The following GRID2 variants were observed in gnomAD, a reference collection of about 807,000 sequenced individuals.
The protein encoded by GRID2 is glutamate ionotropic receptor delta type subunit 2.
Under a neutral mutation model 114.8 loss-of-function variants are expected in GRID2, and 33 were observed. That is an observed-to-expected ratio of 0.29 (90% CI 0.22 to 0.38). The LOEUF is 0.38. Among genes scored for constraint, GRID2 ranks in the 10% least tolerant of loss-of-function variants. The pLI is 1.00. For missense variants in GRID2, 1,184 were observed against 1,257.7 expected, an observed-to-expected ratio of 0.94 and a Z score of 0.89; for synonymous variants, 505 against 449.9, an observed-to-expected ratio of 1.12 and a Z score of -1.55.
intron 2 of GRID2, among the ~76,000 whole-genome samples, chr4:92,778,803 G>A (rs1191348318): frequency 6.6e-6 from 1 of 151,974 alleles, no homozygotes; most frequent in East Asian, 1.9e-4. Context: ...GTGCTTATTA[G>A]TGGTATTTAT....
chr4:93,748,908 G>A (rs1732078457), intron 14 of GRID2, among the ~76,000 whole-genome samples: 1 of 152,006 alleles, frequency 6.6e-6, no homozygotes, highest in South Asian at 2.1e-4. Context: ...ATTGTAGTTG[G>A]CAAGAACTCC....
intron 2 of GRID2, among the ~76,000 whole-genome samples, chr4:92,692,792 G>T (rs1734237777): frequency 6.6e-6 from 1 of 152,124 alleles, no homozygotes; most frequent in African/African-American, 2.4e-5. Context: ...GGAGGCAGAG[G>T]TGGGTGAATC....
At chr4:93,364,499 T>A (rs1049733653) in intron 8 of GRID2, among the ~76,000 whole-genome samples, 3 of 152,038 alleles carry the variant, frequency 2.0e-5, no homozygotes, top group African/African-American at 7.2e-5. Context: ...GAGACAAGAG[T>A]CTTGCTCTGT....
intron 2 of GRID2, among the ~76,000 whole-genome samples, chr4:92,925,732 C>G (rs1015096468): frequency 6.6e-6 from 1 of 151,904 alleles, no homozygotes; most frequent in Admixed American, 6.6e-5. Context: ...GAAAGGTACC[C>G]AAAGTTATAT....
intron 8 of GRID2, among the ~76,000 whole-genome samples, chr4:93,260,033 G>T (rs180801481): frequency 4.6e-5 from 7 of 151,668 alleles, no homozygotes; most frequent in African/African-American, 1.4e-4. Context: ...ATTTTACGTA[G>T]GAGGTATGTA....
intron 7 of GRID2, among the ~76,000 whole-genome samples, chr4:93,237,633 A>T (rs955234250): frequency 6.6e-6 from 1 of 151,882 alleles, no homozygotes; most frequent in African/African-American, 2.4e-5. Context: ...GTAAAATCCT[A>T]AATAATATGA....
At chr4:93,133,320 T>A (rs957596936) in intron 4 of GRID2, among the ~76,000 whole-genome samples, 1 of 152,194 alleles carries the variant, frequency 6.6e-6, no homozygotes, top group African/African-American at 2.4e-5. Context: ...TTTTCCCAAG[T>A]GTCTTTTCAA....
At chr4:92,616,583 A>T (rs1419968687) in intron 2 of GRID2, among the ~76,000 whole-genome samples, 1 of 150,812 alleles carries the variant, frequency 6.6e-6, no homozygotes, top group Non-Finnish European at 1.5e-5. Context: ...TCTTTCAGAG[A>T]CTCTTATTAC....
chr4:93,294,030 A>T (rs1286054921), intron 8 of GRID2, among the ~76,000 whole-genome samples: 1 of 152,214 alleles, frequency 6.6e-6, no homozygotes, highest in African/African-American at 2.4e-5. Flanking sequence ...AGATGAAGGG[A>T]AAGTCATTAT....
intron 13 of GRID2, among the ~76,000 whole-genome samples, chr4:93,563,913 A>G (rs1373614107): frequency 5.3e-5 from 8 of 151,976 alleles, no homozygotes; most frequent in Non-Finnish European, 1.2e-4. Flanking sequence ...CTACATTTTA[A>G]TAGAGTAACA....
At position 92,532,252 on chromosome 4, in the gene GRID2, C is replaced by T. The variant is rs562219296; in HGVS notation, c.89-57879C>T. Among the ~76,000 whole-genome samples, 7 of 152,206 alleles carry T rather than the reference C, an allele frequency of 4.6e-5. No individual in the cohort carries two copies. The South Asian group carries it at 1.2e-3, about 27-fold the overall frequency. ...GAAAACTCATTGTGACAGGGAAGTG[C>T]AGGATCACAGTTTGTGTTGTAATAT... is the stretch of plus-strand genomic sequence containing the variant. On this transcript the variant is annotated intron_variant, in intron 1 of 15. Transcript: ENST00000282020.
At chr4:92,364,017 C>T (rs1728739806) in intron 1 of GRID2, among the ~76,000 whole-genome samples, 1 of 151,786 alleles carries the variant, frequency 6.6e-6, no homozygotes, top group African/African-American at 2.4e-5. Flanking sequence ...ATGGGGATTT[C>T]ACCATGTTGC....
At chr4:93,368,192 A>T (rs1430711929) in intron 8 of GRID2, among the ~76,000 whole-genome samples, 1 of 152,160 alleles carries the variant, frequency 6.6e-6, no homozygotes, top group Admixed American at 6.6e-5. Flanking sequence ...CAATAAAGTG[A>T]CAGTTAATTC....
At chr4:92,652,793 T>C (rs1732008668) in intron 2 of GRID2, among the ~76,000 whole-genome samples, 1 of 133,238 alleles carries the variant, frequency 7.5e-6, no homozygotes. Flanking sequence ...CTGGCCAAGA[T>C]GGTGAAAAAA....
intron 13 of GRID2, among the ~76,000 whole-genome samples, chr4:93,543,712 G>C (rs1732891738): frequency 1.8e-5 from 1 of 56,976 alleles, no homozygotes; most frequent in South Asian, 4.6e-4. Context: ...GTGAGAGATA[G>C]AGAGAGAGAG....
chr4:93,340,764 A>G (rs1191367745), intron 8 of GRID2, among the ~76,000 whole-genome samples: 1 of 152,206 alleles, frequency 6.6e-6, no homozygotes, highest in African/African-American at 2.4e-5. Context: ...GAGCAGTAAC[A>G]TTTATACCTA....
chr4:92,745,726 G>A (rs1737120735), intron 2 of GRID2, among the ~76,000 whole-genome samples: 3 of 152,016 alleles, frequency 2.0e-5, no homozygotes, highest in Non-Finnish European at 4.4e-5. Flanking sequence ...GTGTGTGGTG[G>A]TGGTGAGGTC....
chr4:92,853,854 G>T (rs918341584), intron 2 of GRID2, among the ~76,000 whole-genome samples: 11 of 151,808 alleles, frequency 7.2e-5, no homozygotes, highest in African/African-American at 2.7e-4. Flanking sequence ...TTGGAGGGAG[G>T]GTTGAGGGAA....
intron 13 of GRID2, among the ~76,000 whole-genome samples, chr4:93,521,595 A>G (rs1263064017): frequency 6.6e-6 from 1 of 152,166 alleles, no homozygotes; most frequent in Non-Finnish European, 1.5e-5. Context: ...TGACAACAAC[A>G]GGCCTGGTAG....
Sources: allele counts gnomAD v4.1 joint callset (sites outside exome capture counted in the v4.1 genomes callset), GRCh38; gene constraint gnomAD v4.1.1; transcripts MANE v1.5; gene names NCBI Gene and HGNC (gene_info 2026-07-23, HGNC 2026-07-21).